UNC13C: variants seen among roughly 807,000 people sequenced by gnomAD.
UNC13C encodes the protein unc-13 homolog C, also known as protein unc-13 homolog C.
A neutral mutation model predicts 245.4 loss-of-function variants in UNC13C; 174 were observed. That is an observed-to-expected ratio of 0.71 (90% CI 0.63 to 0.80). UNC13C has a LOEUF of 0.80. Among genes scored for constraint, UNC13C ranks in the 30% least tolerant of loss-of-function variants. The pLI, the probability that UNC13C is intolerant of heterozygous loss-of-function variation, is 0.00. For missense variants in UNC13C, 2,829 were observed against 2,602.9 expected, an observed-to-expected ratio of 1.09 and a Z score of -1.89; for synonymous variants, 992 against 895.1, an observed-to-expected ratio of 1.11 and a Z score of -1.93.
intron 4 of UNC13C, among the ~76,000 whole-genome samples, chr15:54,225,134 G>A (rs564829189): frequency 6.7e-6 from 1 of 149,482 alleles, no homozygotes; most frequent in Non-Finnish European, 1.5e-5. Flanking sequence ...AGATTAGATG[G>A]TTGTAGATGT....
intron 20 of UNC13C, among the ~76,000 whole-genome samples, chr15:54,499,035 T>C (rs1471621651): frequency 1.3e-5 from 2 of 152,108 alleles, no homozygotes; most frequent in Admixed American, 1.3e-4. Flanking sequence ...CACACTGCTA[T>C]AAAGAAATAC....
At chr15:53,843,904 A>G in the UNC13C span, among the ~76,000 whole-genome samples, 1 of 152,192 alleles carries the variant, frequency 6.6e-6, no homozygotes, top group Non-Finnish European at 1.5e-5. Flanking sequence ...TGGGCATTGA[A>G]AAGTAGAGAT....
the UNC13C span, among the ~76,000 whole-genome samples, chr15:53,946,867 C>T: frequency 6.6e-6 from 1 of 151,986 alleles, no homozygotes; most frequent in African/African-American, 2.4e-5. Flanking sequence ...GGTGGATTCA[C>T]TTTTTGATAT....
At chr15:54,132,074 C>CTTTTTTTTT (rs1555420957) in intron 2 of UNC13C, among the ~76,000 whole-genome samples, 39 of 110,666 alleles carry the variant, frequency 3.5e-4, no homozygotes, top group South Asian at 3.3e-3. Flanking sequence ...TTTTCTTTTT[C>CTTTTTTTTT]TTTTTTTTTT....
intron 30 of UNC13C, among the ~76,000 whole-genome samples, chr15:54,584,361 A>T (rs1898371686): frequency 6.6e-6 from 1 of 152,176 alleles, no homozygotes; most frequent in South Asian, 2.1e-4. Context: ...TCATTTTCCA[A>T]CTGAAGTCAT....
At chr15:53,849,971 A>G in the UNC13C span, among the ~76,000 whole-genome samples, 1 of 152,176 alleles carries the variant, frequency 6.6e-6, no homozygotes, top group Non-Finnish European at 1.5e-5. Flanking sequence ...CAGCGTTACC[A>G]CTTACAGCCT....
intron 17 of UNC13C, among the ~76,000 whole-genome samples, chr15:54,368,255 T>C (rs2039410773): frequency 6.6e-6 from 1 of 152,170 alleles, no homozygotes; most frequent in African/African-American, 2.4e-5. Flanking sequence ...ATCTAAAGAA[T>C]GAATTGTTCA....
intron 4 of UNC13C, among the ~76,000 whole-genome samples, chr15:54,231,510 C>T (rs908513841): frequency 1.3e-5 from 2 of 151,654 alleles, no homozygotes; most frequent in African/African-American, 4.8e-5. Flanking sequence ...TCTTCATTTT[C>T]TTATTTATAA....
chr15:54,416,462 C>G (rs1749141618), intron 19 of UNC13C, among the ~76,000 whole-genome samples: 1 of 152,126 alleles, frequency 6.6e-6, no homozygotes, highest in African/African-American at 2.4e-5. Context: ...ACCAGAACTG[C>G]TCAGAGGTAC....
chr15:54,211,980 C>G (rs1465776140), intron 4 of UNC13C, among the ~76,000 whole-genome samples: 5 of 152,004 alleles, frequency 3.3e-5, no homozygotes, highest in African/African-American at 1.2e-4. Context: ...CTCCCACGAC[C>G]CATTTATTTT....
the UNC13C span, among the ~76,000 whole-genome samples, chr15:53,856,857 TGTCTAATAATGACA>T: frequency 4.6e-5 from 7 of 152,226 alleles, no homozygotes; most frequent in Non-Finnish European, 7.3e-5. Context: ...CTCAGTGATC[TGTCTAATAATGACA>T]GTGAGGTGTT....
the UNC13C span, among the ~76,000 whole-genome samples, chr15:53,924,267 C>T: frequency 3.3e-5 from 5 of 152,196 alleles, no homozygotes; most frequent in African/African-American, 1.2e-4. Flanking sequence ...CGGCACAGTT[C>T]AGTGCTAATA....
chr15:54,536,331 A>T (rs1895980090), intron 26 of UNC13C, among the ~76,000 whole-genome samples: 1 of 152,038 alleles, frequency 6.6e-6, no homozygotes, highest in African/African-American at 2.4e-5. Context: ...AAATGGAATC[A>T]GTAATAATAA....
At chr15:54,260,873 A>G (rs979927110) in intron 8 of UNC13C, among the ~76,000 whole-genome samples, 15 of 151,794 alleles carry the variant, frequency 9.9e-5, no homozygotes, top group African/African-American at 3.6e-4. Flanking sequence ...AAAAATTGTA[A>G]ATTGCCATAT....
the UNC13C span, among the ~76,000 whole-genome samples, chr15:53,937,375 T>C: frequency 3.3e-5 from 5 of 151,834 alleles, no homozygotes; most frequent in African/African-American, 9.7e-5. Context: ...CCAAGAAATA[T>C]GGGACTATGT....
At chr15:54,613,670 T>A (rs1482985305) in intron 30 of UNC13C, among the ~76,000 whole-genome samples, 2 of 151,996 alleles carry the variant, frequency 1.3e-5, no homozygotes, top group African/African-American at 4.8e-5. Flanking sequence ...ATATCTTCTT[T>A]TTTAAAAAGC....
chr15:54,260,001 C>T (rs1448182338), intron 8 of UNC13C, among the ~76,000 whole-genome samples: 1 of 151,868 alleles, frequency 6.6e-6, no homozygotes, highest in Non-Finnish European at 1.5e-5. Context: ...TAAATTAACC[C>T]AGAGCCAAAG....
chr15:54,315,934 C>T (rs1596204202), intron 13 of UNC13C, among the ~76,000 whole-genome samples: 1 of 151,860 alleles, frequency 6.6e-6, no homozygotes, highest in Non-Finnish European at 1.5e-5. Context: ...CACACAACTA[C>T]TCTAGTTCAG....
chr15:54,003,440 G>A (rs1894990035), intron 1 of UNC13C, among the ~76,000 whole-genome samples: 1 of 152,136 alleles, frequency 6.6e-6, no homozygotes, highest in Admixed American at 6.6e-5. Context: ...AACAGGCAAA[G>A]CTTATTCAAG....
Sources: gnomAD v4.1 joint callset for allele counts (sites outside exome capture counted in the v4.1 genomes callset) on GRCh38, gnomAD v4.1.1 for gene constraint, MANE v1.5 for transcripts, NCBI Gene and HGNC (gene_info 2026-07-23, HGNC 2026-07-21) for gene names.